Variants in CELF2 observed in about 807,000 individuals in gnomAD.
CELF2 encodes the protein CUGBP Elav-like family member 2.
CELF2 carries 8 observed loss-of-function variants against 62.6 expected under a neutral mutation model. The ratio of observed to expected loss-of-function variants is 0.13; its 90% CI spans 0.07 to 0.23. The LOEUF (loss-of-function observed/expected upper bound fraction) is 0.23. Among genes scored for constraint, CELF2 ranks in the 10% least tolerant of loss-of-function variants. CELF2 has a pLI of 1.00. For missense variants in CELF2, 333 were observed against 671.0 expected (o/e 0.50, Z 5.56); for synonymous variants, 258 against 250.0 (o/e 1.03, Z -0.30).
intron 2 of CELF2, among the ~76,000 whole-genome samples, chr10:11,196,195 C>A (rs936956839): frequency 2.0e-5 from 3 of 152,184 alleles, no homozygotes; most frequent in Non-Finnish European, 2.9e-5. Flanking sequence ...CCCACAGTAA[C>A]CCTGGGAAGC....
At chr10:10,904,218 T>C (rs1317455897) in intron 1 of CELF2, among the ~76,000 whole-genome samples, 1 of 115,270 alleles carries the variant, frequency 8.7e-6, no homozygotes, top group Admixed American at 1.1e-4. Flanking sequence ...TGTAATTCTA[T>C]CCATTTTTAA....
intron 1 of CELF2, among the ~76,000 whole-genome samples, chr10:11,133,887 C>A (rs987115576): frequency 1.3e-5 from 2 of 152,122 alleles, no homozygotes; most frequent in African/African-American, 4.8e-5. Flanking sequence ...AAAGACTGTC[C>A]CCTCCCCAGC....
In CELF2 at chr10:11,325,029, G is replaced by GA. The variant is rs148489049; in HGVS notation, c.1295-806dup. 8.0e-3 allele frequency among the ~76,000 whole-genome samples: 1,219 copies of GA among 152,314 alleles called. 17 individuals are homozygous for GA. The highest frequency in any genetic ancestry group is 0.028 in the African/African-American group (1,153 of 41,556). ...TCACATGGTGCTCATATGGGTGGGG[G>GA]AGAGTCAGGAGAGGAAAAGCGAGGG... On this transcript the variant is annotated intron_variant, in intron 11 of 12. Transcript: ENST00000633077.
chr10:10,992,521 A>C (rs896870744), intron 2 of CELF2, among the ~76,000 whole-genome samples: 1 of 152,242 alleles, frequency 6.6e-6, no homozygotes, highest in African/African-American at 2.4e-5. Flanking sequence ...AGGAGGGCGC[A>C]AAGAATTGGC....
At chr10:10,798,709 A>G in exon 1 of CELF2, 1 of 398,748 alleles carries the variant, frequency 2.5e-6, no homozygotes, top group Non-Finnish European at 4.4e-6. Flanking sequence ...TCTGTTCCCC[A>G]GCACCCCATC....
chr10:10,932,035 G>A (rs1208714317), intron 2 of CELF2, among the ~76,000 whole-genome samples: 1 of 152,072 alleles, frequency 6.6e-6, no homozygotes, highest in Non-Finnish European at 1.5e-5. Context: ...CCTCCCACCA[G>A]GCCCCTCCCA....
chr10:11,081,340 TCA>T (rs1196813934), intron 1 of CELF2, among the ~76,000 whole-genome samples: 5 of 152,208 alleles, frequency 3.3e-5, no homozygotes, highest in Non-Finnish European at 7.3e-5. Flanking sequence ...TGTCTAAATC[TCA>T]GTCTCATAAT....
Position 11,191,475 on chromosome 10 carries a change from C to G in CELF2, c.271+25793C>G, listed in dbSNP as rs1026847013. 6.6e-6 allele frequency among the ~76,000 whole-genome samples: 1 copy of G among 152,120 alleles called. No individual in the cohort carries two copies. Among genetic ancestry groups the G allele is most frequent in the South Asian group, 2.1e-4 (1 of 4,818 alleles). On this transcript the variant is annotated intron_variant, in intron 2 of 12. Transcript: ENST00000633077. The surrounding 1 kb of genome is among the most constrained non-coding windows in gnomAD (Gnocchi z 4.1). The stretch of plus-strand genomic sequence containing the variant: ...TGGGGAGGAGACCTCTGGACCAGGA[C>G]GTGCTGTGGGGCGTCAGCTACCAAC...
rs149027214 is a variant in CELF2 at position 11,153,761 on chromosome 10, G to A, written c.75-11725G>A. ...CTGGGTGATTTTGACACTGTGAAAT[G>A]TTGATCAGTCCCTAAACTGGCATCT... On this transcript the variant is annotated intron_variant, in intron 1 of 12. Coordinates refer to ENST00000633077, the MANE Select transcript of CELF2 (RefSeq NM_001326342.2). 4.9e-4 allele frequency among the ~76,000 whole-genome samples: 74 copies of A among 152,364 alleles called. 1 individual carries two copies. In the Middle Eastern group the frequency reaches 0.024, roughly 49 times the overall value.
At chr10:10,692,980 T>C in the CELF2 span, among the ~76,000 whole-genome samples, 1 of 143,234 alleles carries the variant, frequency 7.0e-6, no homozygotes, top group East Asian at 2.0e-4. Flanking sequence ...CTTCCTCTTT[T>C]CCTAATTGAA....
In CELF2 at chr10:11,197,058, A is replaced by AG. The variant is rs1554936743; in HGVS notation, c.272-20367_272-20366insG. On this transcript the variant is annotated intron_variant, in intron 2 of 12. Coordinates refer to ENST00000633077, the MANE Select transcript of CELF2 (RefSeq NM_001326342.2). ...GAAAGAAAGAAAGAAAGAAAGAAAG[A>AG]AAAGAAAGAAAGGAAAGAAAGAAAG... Among the ~76,000 whole-genome samples, 545 of 71,948 alleles carry AG rather than the reference A, an allele frequency of 7.6e-3. 51 individuals carry two copies. Among genetic ancestry groups the AG allele is most frequent in the South Asian group, 0.034 (50 of 1,462 alleles). The allele number at this position is 71,948 out of a possible 152,430, so 47.2% of individuals were successfully genotyped here. A position where few individuals can be genotyped will look rare whatever the true frequency, so the allele number is the denominator to read the frequency against.
intron 1 of CELF2, among the ~76,000 whole-genome samples, chr10:11,124,860 T>C (rs1216014039): frequency 6.6e-6 from 1 of 152,230 alleles, no homozygotes; most frequent in African/African-American, 2.4e-5. Flanking sequence ...TTCACTTTGA[T>C]TCACATATGC....
intron 2 of CELF2, chr10:10,970,554 G>A (rs2050651175): frequency 6.6e-6 from 1 of 152,186 alleles, no homozygotes; most frequent in African/African-American, 2.4e-5. Flanking sequence ...GTGAGTTCTT[G>A]CTTTGAATTG....
chr10:11,229,658 T>G (rs959867183), intron 3 of CELF2, among the ~76,000 whole-genome samples: 1 of 151,990 alleles, frequency 6.6e-6, no homozygotes, highest in African/African-American at 2.4e-5. Context: ...GGCGCAATCT[T>G]GGCTCACTGC....
At chr10:10,844,302 G>A (rs2058874041) in intron 1 of CELF2, among the ~76,000 whole-genome samples, 1 of 151,944 alleles carries the variant, frequency 6.6e-6, no homozygotes, top group South Asian at 2.1e-4. Flanking sequence ...CAGAACAAGG[G>A]GAAACCAATC....
At chr10:10,686,422 G>T in the CELF2 span, among the ~76,000 whole-genome samples, 1 of 151,510 alleles carries the variant, frequency 6.6e-6, no homozygotes, top group Non-Finnish European at 1.5e-5. Context: ...TGGCAGGGTT[G>T]TGATCACCGC....
At chr10:10,960,525 A>T (rs1470913758) in intron 2 of CELF2, among the ~76,000 whole-genome samples, 1 of 152,270 alleles carries the variant, frequency 6.6e-6, no homozygotes, top group Non-Finnish European at 1.5e-5. Context: ...TGGAGCCCAT[A>T]AAAAATTCTG....
At chr10:10,998,039 C>T (rs1426383401) in intron 2 of CELF2, among the ~76,000 whole-genome samples, 1 of 152,172 alleles carries the variant, frequency 6.6e-6, no homozygotes, top group Admixed American at 6.6e-5. Context: ...TTCCTCTGCA[C>T]ACGCTCTCTT....
chr10:10,598,973 A>G, the CELF2 span, among the ~76,000 whole-genome samples: 1 of 151,474 alleles, frequency 6.6e-6, no homozygotes, highest in African/African-American at 2.4e-5. Context: ...GCTGGTCTCA[A>G]ACTCCTGACC....
Sources: gnomAD v4.1 joint callset for allele counts (sites outside exome capture counted in the v4.1 genomes callset) on GRCh38, gnomAD v4.1.1 for gene constraint, Gnocchi (gnomAD v3.1) non-coding constraint, MANE v1.5 for transcripts, NCBI Gene and HGNC (gene_info 2026-07-23, HGNC 2026-07-21) for gene names.